The following ZNF469 variants were observed in gnomAD, a reference collection of about 807,000 sequenced individuals.
The protein encoded by ZNF469 is zinc finger protein 469.
Under a neutral mutation model 1.0 loss-of-function variants are expected in ZNF469, and 1 was observed. The observed-to-expected ratio is 1.00, with a 90% CI of 0.35 to 4.73. The LOEUF is 4.73. Among genes scored for constraint, ZNF469 ranks in the 30% most tolerant of loss-of-function variants. ZNF469 has a pLI of 0.16. For missense variants in ZNF469, 6,100 were observed against 5,356.3 expected (o/e 1.14, Z -4.33); for synonymous variants, 2,703 against 2,363.4 (o/e 1.14, Z -4.17).
the ZNF469 span, among the ~76,000 whole-genome samples, chr16:88,193,048 A>G: frequency 0.023 from 873 of 37,740 alleles, 3 homozygotes; most frequent in African/African-American, 0.051. Flanking sequence ...GGTGGTGGTG[A>G]TGATGGTGAT....
chr16:88,133,021 C>G, the ZNF469 span, among the ~76,000 whole-genome samples: 1 of 152,182 alleles, frequency 6.6e-6, no homozygotes, highest in Non-Finnish European at 1.5e-5. Flanking sequence ...CCAGGAGACC[C>G]GTGGGCAGCT....
In ZNF469 at chr16:88,432,172, G is replaced by A; in HGVS notation, c.4702G>A (p.Val1568Ile). ...GGATGAACTGGAGATCCAGAAATTG[G>A]TCACCGAATTAGAAAGTCAGCTGCA... ...SEDELEIQKL[V>I]TELESQLQRS... Residue 1568 changes from valine to isoleucine, a missense_variant, in exon 3 of 3, where the codon GTC (valine) becomes ATC (isoleucine). Coordinates refer to ENST00000565624, the MANE Select transcript of ZNF469 (RefSeq NM_001367624.2). The A allele has an allele frequency of 1.9e-6, 3 of 1,550,360 alleles. No individual in the cohort carries two copies. Among genetic ancestry groups the A allele is most frequent in the South Asian group, 2.4e-5 (2 of 84,060 alleles).
the ZNF469 span, among the ~76,000 whole-genome samples, chr16:88,163,497 AATGGATGGATGGATGG>A: frequency 6.1e-3 from 821 of 135,352 alleles, 11 homozygotes; most frequent in African/African-American, 0.02. Flanking sequence ...AGGATGGATG[AATGGATGGATGGATGG>A]ATGGATGGAT....
chr16:88,344,523 A>G, the ZNF469 span, among the ~76,000 whole-genome samples: 3 of 152,190 alleles, frequency 2.0e-5, no homozygotes, highest in African/African-American at 7.2e-5. Context: ...TGCAGAGTGA[A>G]AGTCCCCATG....
chr16:88,355,052 G>A, the ZNF469 span, among the ~76,000 whole-genome samples: 8 of 152,144 alleles, frequency 5.3e-5, no homozygotes, highest in East Asian at 5.8e-4. Context: ...GTGGGCTCGC[G>A]GCCCTGTCTC....
At chr16:88,168,867 G>T in the ZNF469 span, among the ~76,000 whole-genome samples, 6 of 152,184 alleles carry the variant, frequency 3.9e-5, no homozygotes, top group African/African-American at 7.2e-5. This position sits in a 1 kb window ranked among gnomAD's most constrained non-coding sequence, Gnocchi z 4.3. Flanking sequence ...AAGCCAAGGC[G>T]TGAGGATCGC....
the ZNF469 span, among the ~76,000 whole-genome samples, chr16:88,254,061 G>A: frequency 6.6e-6 from 1 of 150,754 alleles, no homozygotes; most frequent in African/African-American, 2.4e-5. Context: ...TATTACTTTT[G>A]GCTTCTGTCT....
the ZNF469 span, among the ~76,000 whole-genome samples, chr16:88,367,434 CT>C: frequency 3.2e-3 from 494 of 152,362 alleles, 6 homozygotes; most frequent in African/African-American, 0.011. Flanking sequence ...CTTCCTTCCC[CT>C]GCCCCAGGAT....
chr16:88,258,967 G>C, the ZNF469 span, among the ~76,000 whole-genome samples: 1 of 152,216 alleles, frequency 6.6e-6, no homozygotes, highest in Non-Finnish European at 1.5e-5. Flanking sequence ...TTTGAGCTGA[G>C]AAGACACACG....
At chr16:88,341,143 A>G in the ZNF469 span, among the ~76,000 whole-genome samples, 1 of 152,212 alleles carries the variant, frequency 6.6e-6, no homozygotes, top group Non-Finnish European at 1.5e-5. Flanking sequence ...TCTGTCACAC[A>G]TCTCTACCTA....
chr16:88,308,832 C>T, the ZNF469 span, among the ~76,000 whole-genome samples: 1 of 152,188 alleles, frequency 6.6e-6, no homozygotes, highest in African/African-American at 2.4e-5. Flanking sequence ...GAACATGCCT[C>T]TCAGGCCTTC....
At chr16:88,331,794 CCAT>C in the ZNF469 span, among the ~76,000 whole-genome samples, 3 of 152,130 alleles carry the variant, frequency 2.0e-5, no homozygotes, top group Non-Finnish European at 1.5e-5. Context: ...ATCATCACCA[CCAT>C]CATCATTCTC....
intron 1 of ZNF469, among the ~76,000 whole-genome samples, chr16:88,405,026 G>A (rs1043071829): frequency 2.0e-5 from 3 of 152,166 alleles, no homozygotes; most frequent in African/African-American, 4.8e-5. Flanking sequence ...AGTCTAACAG[G>A]GCGGGGAGGG....
At chr16:88,426,283 G>A (rs1463559598) in intron 2 of ZNF469, among the ~76,000 whole-genome samples, 1 of 152,264 alleles carries the variant, frequency 6.6e-6, no homozygotes, top group African/African-American at 2.4e-5. Flanking sequence ...TGAGGACCCA[G>A]GGGTCAGTGG....
At chr16:88,144,327 T>C in the ZNF469 span, among the ~76,000 whole-genome samples, 1 of 152,172 alleles carries the variant, frequency 6.6e-6, no homozygotes, top group Non-Finnish European at 1.5e-5. Context: ...GGCCAGGAGA[T>C]GCCATAACCA....
chr16:88,217,585 T>TC, the ZNF469 span, among the ~76,000 whole-genome samples: 1 of 94,922 alleles, frequency 1.1e-5, no homozygotes, highest in Non-Finnish European at 2.1e-5. Flanking sequence ...ATGCTATCCC[T>TC]CCCCCCTCCC....
At chr16:88,184,860 G>A in the ZNF469 span, among the ~76,000 whole-genome samples, 2 of 152,198 alleles carry the variant, frequency 1.3e-5, no homozygotes, top group South Asian at 2.1e-4. Context: ...GCGGGGACAC[G>A]TGCGTGCACA....
At chr16:88,305,618 TCA>T in the ZNF469 span, among the ~76,000 whole-genome samples, 1 of 136,214 alleles carries the variant, frequency 7.3e-6, no homozygotes, top group East Asian at 2.3e-4. Context: ...ACACACACCC[TCA>T]CGTGCACACA....
At chr16:88,251,443 A>G in the ZNF469 span, among the ~76,000 whole-genome samples, 1 of 149,244 alleles carries the variant, frequency 6.7e-6, no homozygotes, top group African/African-American at 2.5e-5. Context: ...GTTCTTCTGA[A>G]GATTGTTGCT....
Sources: allele counts gnomAD v4.1 joint callset (sites outside exome capture counted in the v4.1 genomes callset), GRCh38; gene constraint gnomAD v4.1.1; non-coding constraint Gnocchi (gnomAD v3.1); transcripts MANE v1.5; gene names NCBI Gene and HGNC (gene_info 2026-07-23, HGNC 2026-07-21).